Variants in PNISR observed in about 807,000 individuals in gnomAD.
The protein encoded by PNISR is PNN interacting serine and arginine rich protein.
A neutral mutation model predicts 93.4 loss-of-function variants in PNISR; 20 were observed. That is an observed-to-expected ratio of 0.21 (90% CI 0.15 to 0.31). The LOEUF (loss-of-function observed/expected upper bound fraction) is 0.31, where lower values mean the gene tolerates loss of function less well. Among genes scored for constraint, PNISR ranks in the 10% least tolerant of loss-of-function variants. The pLI is 1.00. For missense variants in PNISR, 893 were observed against 985.4 expected, an observed-to-expected ratio of 0.91 and a Z score of 1.25; for synonymous variants, 305 against 306.5, an observed-to-expected ratio of 0.99 and a Z score of 0.05.
rs369736795 is a variant in PNISR at position 99,414,679 on chromosome 6, T to C, written c.-20A>G. The stretch of plus-strand genomic sequence containing the variant: ...CCACATCCCTTCTTTTAAAATATAC[T>C]TGATTTTCTATCTTCAATAAATTAA... On this transcript the variant is annotated 5_prime_UTR_variant, in exon 3 of 12. Transcript: ENST00000369239. 5.5e-5 allele frequency: 83 copies of C among 1,505,818 alleles called. No homozygotes were observed. The highest frequency in any genetic ancestry group is 7.0e-5 in the Non-Finnish European group (77 of 1,095,086). The allele number at this position is 1,505,818 out of a possible 1,614,324, so 93.3% of individuals were successfully genotyped here.
At position 99,400,179 on chromosome 6, in the gene PNISR, G is replaced by T; in HGVS notation, c.*361C>A. ...CAGATTAAAAAAAAAAAAGATTCTG[G>T]TTTCACCTACACAGCCACAATGTGC... is the stretch of plus-strand genomic sequence containing the variant. On this transcript the variant is annotated 3_prime_UTR_variant, in exon 12 of 12. Coordinates refer to ENST00000369239, the MANE Select transcript of PNISR (RefSeq NM_032870.4). The T allele has an allele frequency of 4.7e-6, 1 of 211,434 alleles. No individual in the cohort carries two copies. Among genetic ancestry groups the T allele is most frequent in the Non-Finnish European group, 8.3e-6 (1 of 119,796 alleles). 13.1% of individuals were successfully genotyped at this position (211,434 alleles called of 1,614,324 possible).
At chr6:99,419,473 C>A (rs377371551) in intron 1 of PNISR, among the ~76,000 whole-genome samples, 1 of 151,634 alleles carries the variant, frequency 6.6e-6, no homozygotes, top group African/African-American at 2.4e-5. Flanking sequence ...CTGCATTAAG[C>A]GAAAAAAAGG....
rs998529632 is a variant in PNISR, at chr6:99,412,592, T to G, written c.236A>C (p.Asn79Thr). The change falls in exon 4 of 12, where the codon AAT becomes ACT. Residue 79 changes from asparagine to threonine, a missense_variant. Physicochemically the swap from Asn to Thr is moderately conservative, Grantham distance 65. Coordinates refer to ENST00000369239, the MANE Select transcript of PNISR (RefSeq NM_032870.4). ...GTTGAAGTTTGAATCCCCTTGGAAA[T>G]TCCCATGATTGTTTGGACCAGATTC... ...TMESGPNNHG[N>T]FQGDSNFNRM... is the part of the protein sequence containing the mutation. 4 of 1,605,342 alleles carry G rather than the reference T, an allele frequency of 2.5e-6. No homozygotes were observed. Among genetic ancestry groups the G allele is most frequent in the African/African-American group, 1.3e-5 (1 of 74,448 alleles).
At chr6:99,416,821 T>G (rs1049133196) in intron 1 of PNISR, among the ~76,000 whole-genome samples, 4 of 152,210 alleles carry the variant, frequency 2.6e-5, no homozygotes, top group Non-Finnish European at 5.9e-5. Context: ...GAATTCTATG[T>G]TTAGAAATTA....
At position 99,408,195 on chromosome 6, in the gene PNISR, T is replaced by C. The variant is rs1039822658; in HGVS notation, c.750A>G (p.Lys250=). The C allele has an allele frequency of 6.2e-7, 1 of 1,613,692 alleles. No homozygotes were observed. Among genetic ancestry groups the C allele is most frequent in the East Asian group, 2.2e-5 (1 of 44,878 alleles). The change falls in exon 7 of 12, where the codon AAA becomes AAG. Residue 250 remains lysine (K), a synonymous_variant. Transcript: ENST00000369239. Reference sequence around the variant, plus strand: ...GTTGTTCCATTCTTTCTTTCTCCAATTTCTTCTGCTTTTCACGTTCCATTT... The same window carrying C: ...GTTGTTCCATTCTTTCTTTCTCCAACTTCTTCTGCTTTTCACGTTCCATTT... ...LEKMEREKQK[K]LEKERMEQQR...
intron 4 of PNISR, 22 bp downstream of exon 4, chr6:99,412,529 T>A: frequency 6.6e-7 from 1 of 1,515,050 alleles, no homozygotes; most frequent in Non-Finnish European, 9.0e-7. Context: ...GTCTTAAAAT[T>A]GTGAAAACAT....
intron 3 of PNISR, among the ~76,000 whole-genome samples, chr6:99,414,177 G>A (rs1270500673): frequency 6.6e-6 from 1 of 152,172 alleles, no homozygotes; most frequent in Non-Finnish European, 1.5e-5. Flanking sequence ...TTGTATGTGT[G>A]CCTGAAATAG....
At chr6:99,409,103 C>G in intron 6 of PNISR, 70 bp downstream of exon 6, 1 of 1,247,440 alleles carries the variant, frequency 8.0e-7, no homozygotes, top group East Asian at 2.4e-5. Flanking sequence ...TTTAAGAAAA[C>G]AAGACATCCT....
chr6:99,403,759 A>T, intron 10 of PNISR, 70 bp downstream of exon 10: 1 of 1,114,908 alleles, frequency 9.0e-7, no homozygotes, highest in South Asian at 1.3e-5. Flanking sequence ...TTCAAAATAG[A>T]ACACGCAGAG....
chr6:99,423,959 T>C (rs994305991), intron 1 of PNISR, among the ~76,000 whole-genome samples: 1 of 152,190 alleles, frequency 6.6e-6, no homozygotes, highest in African/African-American at 2.4e-5. Flanking sequence ...CAGCAGTTAT[T>C]AATATATTGG....
intron 2 of PNISR, 94 bp downstream of exon 2, chr6:99,416,255 C>G (rs1777680376): frequency 2.4e-6 from 1 of 416,070 alleles, no homozygotes; most frequent in Non-Finnish European, 4.1e-6. Flanking sequence ...GTTATCAGAG[C>G]CCTTGAAAAG....
chr6:99,409,096 A>T, intron 6 of PNISR, 77 bp downstream of exon 6: 3 of 1,188,364 alleles, frequency 2.5e-6, no homozygotes, highest in Non-Finnish European at 3.7e-6. Flanking sequence ...AAACAATTTT[A>T]AGAAAACAAG....
At chr6:99,424,932 CG>C in intron 1 of PNISR, 1 of 290,080 alleles carries the variant, frequency 3.4e-6, no homozygotes, top group Non-Finnish European at 6.3e-6. Flanking sequence ...GTTTAACGGC[CG>C]GTCAGGAACC....
chr6:99,415,621 G>A (rs1777578651), intron 2 of PNISR: 1 of 152,118 alleles, frequency 6.6e-6, no homozygotes, highest in Non-Finnish European at 1.5e-5. Context: ...CCCTGTTCAA[G>A]AACCAGTGAC....
At chr6:99,409,064 T>A in intron 6 of PNISR, 109 bp downstream of exon 6, 1 of 833,970 alleles carries the variant, frequency 1.2e-6, no homozygotes, top group South Asian at 1.6e-5. Flanking sequence ...AAGTGTCAAT[T>A]CCTAACACAT....
rs1207418093 is a variant in PNISR at position 99,402,575 on chromosome 6, T to C, written c.1292A>G (p.Lys431Arg). The C allele has an allele frequency of 1.2e-6, 2 of 1,613,544 alleles. No homozygotes were observed. The highest frequency in any genetic ancestry group is 2.2e-5 in the East Asian group (1 of 44,876). The change falls in exon 11 of 12, where the codon AAA (lysine) becomes AGA (arginine). Residue 431 changes from lysine (K) to arginine (R), a missense_variant. By Grantham distance (26) the Lys-to-Arg change is conservative. This residue lies in a region of PNISR where 866 missense variants were observed against 935.1 expected (regional missense o/e 0.93). Coordinates refer to ENST00000369239, the MANE Select transcript of PNISR (RefSeq NM_032870.4). ...TTTATCATGTAATAGCTGCTGTTCTTTTTCTTTTCTCCAAAAAGCTTCCTG... is the reference window on the plus strand; with the variant it reads ...TTTATCATGTAATAGCTGCTGTTCTCTTTCTTTTCTCCAAAAAGCTTCCTG... The part of the protein sequence containing the change: ...QKQEAFWRKE[K>R]EQQLLHDKQM...
intron 10 of PNISR, 72 bp from the exon 11 acceptor site, chr6:99,402,782 G>T: frequency 8.8e-7 from 1 of 1,137,614 alleles, no homozygotes; most frequent in Non-Finnish European, 1.2e-6. Context: ...CAAGGTCTGA[G>T]AAGAAAGTTC....
chr6:99,404,701 A>G lies in PNISR; in HGVS notation c.1004T>C (p.Met335Thr), dbSNP rs780168508. ...MTEEEKEYQM[M>T]LLTKMLLTEI... ...TGTTAGAAGCATTTTTGTCAGCAAC[A>G]TCTAAAAAAGAGCATTTTATACAGT... The change falls in exon 9 of 12, where the codon ATG (methionine) becomes ACG (threonine). Residue 335 changes from methionine to threonine, a missense_variant and splice_region_variant. Transcript: ENST00000369239. 5.9e-6 allele frequency: 9 copies of G among 1,524,272 alleles called. 1 individual carries two copies. The South Asian group carries it at 1.0e-4, about 17-fold the overall frequency. 94.4% of individuals were successfully genotyped at this position (1,524,272 alleles called of 1,614,324 possible). A position where few individuals can be genotyped will look rare whatever the true frequency, so the allele number is the denominator to read the frequency against.
intron 1 of PNISR, chr6:99,424,895 A>AG (rs752386984): frequency 6.9e-5 from 16 of 232,874 alleles, no homozygotes; most frequent in Non-Finnish European, 1.1e-4. Flanking sequence ...CCTTCCCACA[A>AG]GGGGGTTCCC....
Sources: allele counts gnomAD v4.1 joint callset (sites outside exome capture counted in the v4.1 genomes callset), GRCh38; gene constraint gnomAD v4.1.1; regional missense constraint gnomAD v4.1.1; transcripts MANE v1.5; gene names NCBI Gene and HGNC (gene_info 2026-07-23, HGNC 2026-07-21).